The following PTPN13 variants were observed in gnomAD, a reference collection of about 807,000 sequenced individuals.
PTPN13 encodes protein tyrosine phosphatase non-receptor type 13, also known as tyrosine-protein phosphatase non-receptor type 13.
Under a neutral mutation model 284.0 loss-of-function variants are expected in PTPN13, and 191 were observed. The ratio of observed to expected loss-of-function variants is 0.67; its 90% CI spans 0.60 to 0.76. PTPN13 has a LOEUF of 0.76. Ranked by LOEUF, PTPN13 falls within the 30% of genes least tolerant of loss-of-function variation. The probability of loss-of-function intolerance (pLI) is 0.00; values close to 1 mark genes in which losing one functional copy is unlikely to be tolerated. For synonymous variants in PTPN13, 986 were observed against 1,022.3 expected (o/e 0.96, Z 0.68); for missense variants, 2,797 against 2,939.9 (o/e 0.95, Z 1.12).
intron 2 of PTPN13, among the ~76,000 whole-genome samples, chr4:86,644,412 T>G (rs1289149307): frequency 1.3e-5 from 2 of 152,174 alleles, no homozygotes; most frequent in African/African-American, 4.8e-5. Flanking sequence ...AGTGTTAGGA[T>G]TACAGGCATG....
intron 42 of PTPN13, 90 bp downstream of exon 42, chr4:86,799,294 T>G (rs1330252192): frequency 1.3e-6 from 1 of 799,734 alleles, no homozygotes; most frequent in Non-Finnish European, 1.9e-6. Context: ...ATATGCTGTT[T>G]TACCATATGT....
chr4:86,684,639 G>A (rs1204890375), intron 3 of PTPN13, among the ~76,000 whole-genome samples: 2 of 152,068 alleles, frequency 1.3e-5, no homozygotes, highest in Admixed American at 6.6e-5. Context: ...CTGTAAGAAG[G>A]GTACCCACTT....
chr4:86,612,483 A>G (rs941774827), intron 1 of PTPN13, among the ~76,000 whole-genome samples: 2 of 152,206 alleles, frequency 1.3e-5, no homozygotes, highest in Admixed American at 6.5e-5. Flanking sequence ...GAAGTAGAGG[A>G]GAGAGAAAGC....
chr4:86,657,908 G>A (rs191342092), intron 2 of PTPN13, among the ~76,000 whole-genome samples: 3 of 152,318 alleles, frequency 2.0e-5, no homozygotes, highest in Admixed American at 2.0e-4. Context: ...TGCACTGCCT[G>A]GAACTGGGGA....
chr4:86,688,496 A>G (rs533123331), intron 4 of PTPN13, among the ~76,000 whole-genome samples: 3 of 152,214 alleles, frequency 2.0e-5, no homozygotes, highest in African/African-American at 4.8e-5. Context: ...AAACCCTCAC[A>G]TTCTGGCTTG....
chr4:86,769,733 A>G, intron 28 of PTPN13, 36 bp from the exon 29 acceptor site: 1 of 1,352,398 alleles, frequency 7.4e-7, no homozygotes, highest in Non-Finnish European at 1.0e-6. Flanking sequence ...CAGCATGTTA[A>G]TAATATCTAA....
intron 45 of PTPN13, 139 bp downstream of exon 45, chr4:86,808,036 G>T: frequency 1.4e-6 from 1 of 734,532 alleles, no homozygotes. Context: ...TGGAACTAAT[G>T]CTAGCTATTT....
chr4:86,640,721 G>A (rs1461285731), intron 2 of PTPN13, among the ~76,000 whole-genome samples: 1 of 152,080 alleles, frequency 6.6e-6, no homozygotes, highest in South Asian at 2.1e-4. Context: ...GTTTTTCCTT[G>A]TTTCACATTT....
At chr4:86,647,275 A>G (rs1565224556) in intron 2 of PTPN13, among the ~76,000 whole-genome samples, 2 of 151,998 alleles carry the variant, frequency 1.3e-5, no homozygotes, top group African/African-American at 4.8e-5. Flanking sequence ...AATATCAAAC[A>G]TTTTTTCAAA....
At chr4:86,694,383 C>G (rs1466269963) in intron 6 of PTPN13, among the ~76,000 whole-genome samples, 1 of 151,526 alleles carries the variant, frequency 6.6e-6, no homozygotes, top group Non-Finnish European at 1.5e-5. Context: ...GAGTTCGAGA[C>G]CAGCCTGGCC....
chr4:86,768,898 C>T (rs763087345), intron 28 of PTPN13, among the ~76,000 whole-genome samples: 34 of 151,734 alleles, frequency 2.2e-4, no homozygotes, highest in African/African-American at 7.3e-4. Flanking sequence ...TTAGTACAGA[C>T]GGGGTTTCAC....
chr4:86,636,114 A>T (rs1722989271), intron 2 of PTPN13, among the ~76,000 whole-genome samples: 1 of 152,184 alleles, frequency 6.6e-6, no homozygotes, highest in Non-Finnish European at 1.5e-5. Flanking sequence ...ATCATGGCAC[A>T]GAAAAGGAAG....
intron 46 of PTPN13, among the ~76,000 whole-genome samples, chr4:86,810,424 CTAAG>C (rs1352268363): frequency 6.6e-6 from 1 of 151,020 alleles, no homozygotes; most frequent in Non-Finnish European, 1.5e-5. Context: ...AAAATTAATG[CTAAG>C]TAGTTTCTAA....
chr4:86,643,978 ATAGT>A (rs1298194586), intron 2 of PTPN13, among the ~76,000 whole-genome samples: 7 of 152,136 alleles, frequency 4.6e-5, no homozygotes, highest in Admixed American at 6.6e-5. Context: ...TTCAGATTCT[ATAGT>A]TATTTAAAAA....
chr4:86,772,717 A>G (rs1378997871), intron 31 of PTPN13, 61 bp from the exon 32 acceptor site: 2 of 1,365,842 alleles, frequency 1.5e-6, no homozygotes, highest in African/African-American at 2.9e-5. Context: ...TTTCTGGCAC[A>G]AACTAACCAT....
chr4:86,770,744 C>T (rs1374964668), intron 30 of PTPN13, among the ~76,000 whole-genome samples: 1 of 152,038 alleles, frequency 6.6e-6, no homozygotes, highest in Non-Finnish European at 1.5e-5. Flanking sequence ...AATAGAAACT[C>T]AGGTAAAAAT....
chr4:86,782,252 C>A lies in PTPN13; in HGVS notation c.6014C>A (p.Ser2005Ter). 6.2e-7 allele frequency: 1 copy of A among 1,605,848 alleles called. No homozygotes were observed. Among genetic ancestry groups the A allele is most frequent in the Non-Finnish European group, 8.5e-7 (1 of 1,172,616 alleles). ...CSQPALTPND[S>*]FSTVAGEEIN... ...CAGCCTGCCCTCACTCCTAATGATT[C>A]ATTCTCCACGGTAAGAAAAAGCCCA... The change falls in exon 37 of 48, where the codon TCA (serine) becomes TAA (stop). Residue 2005 changes from serine to a stop codon, truncating the protein, a stop_gained. Coordinates refer to ENST00000411767, the MANE Select transcript of PTPN13 (RefSeq NM_080683.3). LOFTEE classifies it high-confidence loss of function.
chr4:86,780,139 C>G (rs1016721513), intron 35 of PTPN13, among the ~76,000 whole-genome samples: 3 of 152,106 alleles, frequency 2.0e-5, no homozygotes, highest in Admixed American at 2.0e-4. Context: ...TGGCTCACAC[C>G]TGTAATCTCA....
Position 86,686,793 on chromosome 4 carries a change from A to C in PTPN13, c.360+18A>C, listed in dbSNP as rs369974108. 6 of 1,516,038 alleles carry C rather than the reference A, an allele frequency of 4.0e-6. No individual in the cohort carries two copies. In the African/African-American group the frequency reaches 4.1e-5, roughly 10 times the overall value. 93.9% of individuals were successfully genotyped at this position (1,516,038 alleles called of 1,614,324 possible). ...AGAGCCAAGTAAGTTAAGTTTTTAC[A>C]GTTGTTATACTTTTTACATATGTTC... On this transcript the variant is annotated intron_variant, in intron 4 of 47. Coordinates refer to ENST00000411767, the MANE Select transcript of PTPN13 (RefSeq NM_080683.3).
Sources: allele counts gnomAD v4.1 joint callset (sites outside exome capture counted in the v4.1 genomes callset), GRCh38; gene constraint gnomAD v4.1.1; transcripts MANE v1.5; gene names NCBI Gene and HGNC (gene_info 2026-07-23, HGNC 2026-07-21).